The following XRN2 variants were observed in gnomAD, a reference collection of about 807,000 sequenced individuals.
XRN2 encodes 5'-3' exoribonuclease 2.
In XRN2, 44 loss-of-function variants were observed where a neutral mutation model predicts 138.5. The observed-to-expected ratio is 0.32, with a 90% CI of 0.25 to 0.41. The LOEUF (loss-of-function observed/expected upper bound fraction) is 0.41, where lower values mean the gene tolerates loss of function less well. Among genes scored for constraint, XRN2 ranks in the 10% least tolerant of loss-of-function variants. The pLI is 1.00. For synonymous variants in XRN2, 354 were observed against 369.4 expected (o/e 0.96, Z 0.48); for missense variants, 937 against 1,169.3 (o/e 0.80, Z 2.90).
Position 21,353,186 on chromosome 20 carries a change from TTA to T in XRN2, c.1937-1592_1937-1591del, listed in dbSNP as rs530247898. 4.5e-3 allele frequency among the ~76,000 whole-genome samples: 653 copies of T among 144,668 alleles called. 9 individuals are homozygous for T. The highest frequency in any genetic ancestry group is 0.015 in the African/African-American group (592 of 39,178). The allele number at this position is 144,668 out of a possible 152,430, so 94.9% of individuals were successfully genotyped here. On this transcript the variant is annotated intron_variant, in intron 20 of 29. Transcript: ENST00000377191. ...AATATAATATATGTTTATATATATT[TTA>T]TATATATATAAATATAAATAAATGT...
chr20:21,388,902 T>C (rs1199949043), intron 29 of XRN2, among the ~76,000 whole-genome samples: 1 of 152,252 alleles, frequency 6.6e-6, no homozygotes, highest in Non-Finnish European at 1.5e-5. Context: ...CCTTGTGTAA[T>C]AAGTCTAAAT....
At chr20:21,304,549 A>G (rs940727882) in intron 1 of XRN2, among the ~76,000 whole-genome samples, 7 of 151,574 alleles carry the variant, frequency 4.6e-5, no homozygotes, top group African/African-American at 7.3e-5. Context: ...TTCTTGCTCT[A>G]CCCCTTCTCA....
At chr20:21,378,353 C>T (rs560209139) in intron 27 of XRN2, among the ~76,000 whole-genome samples, 2 of 152,306 alleles carry the variant, frequency 1.3e-5, no homozygotes, top group East Asian at 3.9e-4. Flanking sequence ...TCCTCTGCGT[C>T]TTCTGAAATA....
At position 21,305,971 on chromosome 20, in the gene XRN2, C is replaced by T. The variant is rs1436165473; in HGVS notation, c.75+2498C>T. On this transcript the variant is annotated intron_variant, in intron 1 of 29. Transcript: ENST00000377191. Reference sequence around the variant, plus strand: ...TTCACCGTGTTAGCCAGGATGGTCTCGATCTCCTGACCTTCTGATCCGCCT... The same window carrying T: ...TTCACCGTGTTAGCCAGGATGGTCTTGATCTCCTGACCTTCTGATCCGCCT... Among the ~76,000 whole-genome samples the T allele has an allele frequency of 5.7e-5, 4 of 70,230 alleles. 2 individuals carry two copies. Among genetic ancestry groups the T allele is most frequent in the Non-Finnish European group, 1.3e-4 (4 of 30,572 alleles). The allele number at this position is 70,230 out of a possible 152,430, so 46.1% of individuals were successfully genotyped here.
At chr20:21,343,634 A>C (rs1440761711) in intron 15 of XRN2, among the ~76,000 whole-genome samples, 1 of 150,828 alleles carries the variant, frequency 6.6e-6, no homozygotes, top group African/African-American at 2.4e-5. Flanking sequence ...TATATGCTAT[A>C]TATGTAATGC....
chr20:21,329,961 C>A (rs542422556), intron 4 of XRN2, among the ~76,000 whole-genome samples: 1 of 149,106 alleles, frequency 6.7e-6, no homozygotes, highest in South Asian at 2.1e-4. Flanking sequence ...TTTTGTGTAC[C>A]ATATATTGTT....
intron 1 of XRN2, among the ~76,000 whole-genome samples, chr20:21,309,392 A>G (rs372119689): frequency 5.1e-4 from 78 of 152,204 alleles, no homozygotes; most frequent in African/African-American, 1.9e-3. Flanking sequence ...GAGCTTTTTT[A>G]GTTTGTATCT....
At chr20:21,320,295 G>GTATTTATTTATT (rs1464861300) in intron 1 of XRN2, among the ~76,000 whole-genome samples, 17 of 148,120 alleles carry the variant, frequency 1.1e-4, no homozygotes, top group African/African-American at 2.5e-4. Context: ...ATTTATTTAT[G>GTATTTATTTATT]TATTTATTTA....
At chr20:21,360,349 T>C (rs1054364907) in intron 24 of XRN2, among the ~76,000 whole-genome samples, 2 of 152,202 alleles carry the variant, frequency 1.3e-5, no homozygotes, top group African/African-American at 4.8e-5. Flanking sequence ...TCTTCCTTTC[T>C]TTTCTCCACC....
rs894736398 is a variant in XRN2 at position 21,309,059 on chromosome 20, A to G, written c.75+5586A>G. ...GTTGTATTATTTTTATATACGTTGA[A>G]TTCAAGTTTGCTAAAGTTTGCTAAA... On this transcript the variant is annotated intron_variant, in intron 1 of 29. Coordinates refer to ENST00000377191, the MANE Select transcript of XRN2 (RefSeq NM_012255.5). 2.4e-4 allele frequency among the ~76,000 whole-genome samples: 36 copies of G among 152,204 alleles called. 1 individual carries two copies. Among genetic ancestry groups the G allele is most frequent in the African/African-American group, 8.7e-4 (36 of 41,460 alleles).
At chr20:21,353,208 A>G (rs983474730) in intron 20 of XRN2, among the ~76,000 whole-genome samples, 13 of 142,782 alleles carry the variant, frequency 9.1e-5, no homozygotes, top group African/African-American at 3.4e-4. Context: ...AAATATAAAT[A>G]AATGTAGTGG....
Position 21,303,453 on chromosome 20 carries a change from G to T in XRN2, c.55G>T (p.Val19Phe). The part of the protein sequence containing the change: ...WLSRKYPSII[V>F]NCVEEKPKEC... ...CAGCCGCAAGTACCCGTCCATCATA[G>T]TCAACTGCGTGGAAGAGAAGGTGAG... Residue 19 changes from valine (V) to phenylalanine (F), a missense_variant, in exon 1 of 30, where the codon GTC becomes TTC. Val to Phe is a conservative substitution (Grantham distance 50, BLOSUM62 -1). Transcript: ENST00000377191. 6.5e-7 allele frequency: 1 copy of T among 1,547,168 alleles called. No homozygotes were observed. Among genetic ancestry groups the T allele is most frequent in the Non-Finnish European group, 8.7e-7 (1 of 1,145,680 alleles).
intron 1 of XRN2, among the ~76,000 whole-genome samples, chr20:21,309,430 G>A (rs754737477): frequency 2.4e-4 from 36 of 152,144 alleles, no homozygotes; most frequent in Admixed American, 5.2e-4. Context: ...TTTCATCTAA[G>A]TCAAGCTTGT....
At chr20:21,341,901 T>C (rs1307770464) in intron 15 of XRN2, among the ~76,000 whole-genome samples, 1 of 152,082 alleles carries the variant, frequency 6.6e-6, no homozygotes, top group Admixed American at 6.6e-5. Context: ...TTGCCAGCTG[T>C]GGTTGCTTCA....
chr20:21,342,732 C>T (rs1490059304), intron 15 of XRN2, among the ~76,000 whole-genome samples: 1 of 152,138 alleles, frequency 6.6e-6, no homozygotes, highest in Non-Finnish European at 1.5e-5. Context: ...TTAATCCTTG[C>T]AATAACTTGT....
At chr20:21,332,217 T>TA in intron 8 of XRN2, 66 bp from the exon 9 acceptor site, 2 of 1,544,126 alleles carry the variant, frequency 1.3e-6, no homozygotes, top group Non-Finnish European at 1.7e-6. Flanking sequence ...CATCTCATAG[T>TA]AGTTTATGGT....
At chr20:21,372,250 G>A (rs1193133059) in intron 27 of XRN2, among the ~76,000 whole-genome samples, 11 of 152,164 alleles carry the variant, frequency 7.2e-5, no homozygotes, top group Non-Finnish European at 1.6e-4. Context: ...TGGGAGGAGT[G>A]AAAAAGTTTA....
intron 27 of XRN2, among the ~76,000 whole-genome samples, chr20:21,368,837 G>A (rs926923863): frequency 6.6e-6 from 1 of 152,014 alleles, no homozygotes; most frequent in African/African-American, 2.4e-5. Flanking sequence ...TTTGACACAG[G>A]CATACAATGA....
intron 27 of XRN2, among the ~76,000 whole-genome samples, chr20:21,375,010 C>CTTT (rs34212552): frequency 0.024 from 1,059 of 44,542 alleles, 120 homozygotes; most frequent in Middle Eastern, 0.062. Context: ...TTGGTAAGTT[C>CTTT]TTTTTTTTTT....
Sources: allele counts gnomAD v4.1 joint callset (sites outside exome capture counted in the v4.1 genomes callset), GRCh38; gene constraint gnomAD v4.1.1; transcripts MANE v1.5; gene names NCBI Gene and HGNC (gene_info 2026-07-23, HGNC 2026-07-21).